Variants in CAMTA1 observed in about 807,000 individuals in gnomAD.
CAMTA1 encodes the protein calmodulin binding transcription activator 1, also known as calmodulin-binding transcription activator 1.
In CAMTA1, 27 loss-of-function variants were observed where a neutral mutation model predicts 170.9. The observed-to-expected ratio is 0.16, with a 90% CI of 0.12 to 0.22. The LOEUF is 0.22. Among genes scored for constraint, CAMTA1 ranks in the 10% least tolerant of loss-of-function variants. The pLI, the probability that CAMTA1 is intolerant of heterozygous loss-of-function variation, is 1.00. For missense variants in CAMTA1, 1,619 were observed against 2,217.2 expected (o/e 0.73, Z 5.42); for synonymous variants, 833 against 891.5 (o/e 0.93, Z 1.17).
intron 11 of CAMTA1, among the ~76,000 whole-genome samples, chr1:7,701,744 T>C (rs886539273): frequency 2.6e-5 from 4 of 152,162 alleles, no homozygotes; most frequent in African/African-American, 4.8e-5. Context: ...AGGACAAAAA[T>C]TGCACTTAAC....
chr1:7,479,901 ATG>A (rs1212003868), intron 6 of CAMTA1, among the ~76,000 whole-genome samples: 2 of 150,284 alleles, frequency 1.3e-5, no homozygotes, highest in African/African-American at 5.0e-5. Flanking sequence ...TAGAAGATAT[ATG>A]TGTGTGTGCA....
Position 7,766,576 on chromosome 1 carries a change from AACACACACGCACACACGCACAC to A in CAMTA1, c.*95_*116del. 8.2e-7 allele frequency: 1 copy of A among 1,219,762 alleles called. No homozygotes were observed. Among genetic ancestry groups the A allele is most frequent in the South Asian group, 1.2e-5 (1 of 82,818 alleles). The allele number at this position is 1,219,762 out of a possible 1,614,324, so 75.6% of individuals were successfully genotyped here. On this transcript the variant is annotated 3_prime_UTR_variant, in exon 23 of 23. Transcript: ENST00000303635. ...GTTTTTAGCAGAGACATGCAACAAC[AACACACACGCACACACGCACAC>A]ACACACACGTACACACACATACAAA...
At position 7,633,023 on chromosome 1, in the gene CAMTA1, C is replaced by G. The variant is rs1352774177; in HGVS notation, c.511-7377C>G. ...CCTGAGCCCTCTGCCTGCCTCACCC[C>G]CTCCTGGCAAGGTTCAGGCTAGCAC... is the stretch of plus-strand genomic sequence containing the variant. On this transcript the variant is annotated intron_variant, in intron 6 of 22. Transcript: ENST00000303635. This position sits in a 1 kb window ranked among gnomAD's most constrained non-coding sequence, Gnocchi z 4.1. Among the ~76,000 whole-genome samples the G allele has an allele frequency of 2.6e-5, 4 of 152,234 alleles. No homozygotes were observed. The South Asian group carries it at 6.2e-4, about 24-fold the overall frequency.
At chr1:7,442,647 G>A (rs904533197) in intron 5 of CAMTA1, among the ~76,000 whole-genome samples, 3 of 152,170 alleles carry the variant, frequency 2.0e-5, no homozygotes, top group African/African-American at 7.2e-5. Context: ...TACTCAACGC[G>A]TGACTTGGCT....
At position 7,218,060 on chromosome 1, in the gene CAMTA1, G is replaced by C. The variant is rs1660070864; in HGVS notation, c.303-31431G>C. Among the ~76,000 whole-genome samples the C allele has an allele frequency of 2.0e-5, 3 of 152,114 alleles. No homozygotes were observed. The South Asian group carries it at 6.2e-4, about 32-fold the overall frequency. ...TTTTAAACTCTTATTCTGTACCTCTGATTTTTGAGGGTCTGCTTCGCTAGA... is the reference window on the plus strand; with the variant it reads ...TTTTAAACTCTTATTCTGTACCTCTCATTTTTGAGGGTCTGCTTCGCTAGA... On this transcript the variant is annotated intron_variant, in intron 4 of 22. Transcript: ENST00000303635.
chr1:7,270,292 T>TATA lies in CAMTA1; in HGVS notation c.438+20666_438+20667insATA, dbSNP rs1491275364. Among the ~76,000 whole-genome samples the TATA allele has an allele frequency of 2.5e-3, 176 of 70,300 alleles. 2 individuals carry two copies. The highest frequency in any genetic ancestry group is 6.2e-3 in the South Asian group (14 of 2,260). 46.1% of individuals were successfully genotyped at this position (70,300 alleles called of 152,430 possible). On this transcript the variant is annotated intron_variant, in intron 5 of 22. Coordinates refer to ENST00000303635, the MANE Select transcript of CAMTA1 (RefSeq NM_015215.4). Reference sequence around the variant, plus strand: ...ACACACACATATATATATATATATATTTTTTTTTTTTTTTCTTGTGAGATG... The same window carrying TATA: ...ACACACACATATATATATATATATATATATTTTTTTTTTTTTTCTTGTGAGATG...
chr1:7,379,859 C>T (rs1023241593), intron 5 of CAMTA1, among the ~76,000 whole-genome samples: 5 of 152,208 alleles, frequency 3.3e-5, no homozygotes, highest in Admixed American at 1.3e-4. Context: ...CACACATCAG[C>T]GAACCGACAA....
intron 5 of CAMTA1, among the ~76,000 whole-genome samples, chr1:7,276,304 T>TAA (rs1553299266): frequency 2.0e-4 from 3 of 14,942 alleles, no homozygotes; most frequent in African/African-American, 1.0e-3. Context: ...TATATATATA[T>TAA]TTTTTTTTTT....
chr1:7,226,322 C>G (rs1421806282), intron 4 of CAMTA1, among the ~76,000 whole-genome samples: 1 of 152,146 alleles, frequency 6.6e-6, no homozygotes, highest in African/African-American at 2.4e-5. Flanking sequence ...TTTCCACTTG[C>G]CTTCAGGCTG....
chr1:7,081,380 A>G (rs1194875853), intron 3 of CAMTA1, among the ~76,000 whole-genome samples: 1 of 152,222 alleles, frequency 6.6e-6, no homozygotes, highest in African/African-American at 2.4e-5. Context: ...TATCACAAAG[A>G]AGGACAAAGA....
At position 7,513,820 on chromosome 1, in the gene CAMTA1, G is replaced by C. The variant is rs543298045; in HGVS notation, c.510+45919G>C. Among the ~76,000 whole-genome samples the C allele has an allele frequency of 4.7e-4, 72 of 152,314 alleles. 1 individual carries two copies. Among genetic ancestry groups the C allele is most frequent in the African/African-American group, 1.6e-3 (67 of 41,572 alleles). ...GCCTGTAATTCCAGCTACCCTGGAG[G>C]CCGAGGCGGGAGAATCACTTGAACC... is the stretch of plus-strand genomic sequence containing the variant. On this transcript the variant is annotated intron_variant, in intron 6 of 22. Coordinates refer to ENST00000303635, the MANE Select transcript of CAMTA1 (RefSeq NM_015215.4).
intron 4 of CAMTA1, among the ~76,000 whole-genome samples, chr1:7,149,137 C>T (rs917041212): frequency 1.3e-5 from 2 of 152,214 alleles, no homozygotes; most frequent in African/African-American, 4.8e-5. Flanking sequence ...CAAGTCCCTA[C>T]TTGCCATTCC....
rs931838274 is a variant in CAMTA1, at chr1:7,064,026, G to A, written c.235-27278G>A. Among the ~76,000 whole-genome samples the A allele has an allele frequency of 6.6e-6, 1 of 152,280 alleles. No homozygotes were observed. Among genetic ancestry groups the A allele is most frequent in the Non-Finnish European group, 1.5e-5 (1 of 68,016 alleles). On this transcript the variant is annotated intron_variant, in intron 3 of 22. Transcript: ENST00000303635. This position sits in a 1 kb window ranked among gnomAD's most constrained non-coding sequence, Gnocchi z 5.4. ...GATGATGGCTCTGGCCTGGCTGCCAGGTGGCTGCCTTCTCATATGGTGGGA... is the reference window on the plus strand; with the variant it reads ...GATGATGGCTCTGGCCTGGCTGCCAAGTGGCTGCCTTCTCATATGGTGGGA...
chr1:7,348,358 C>T (rs845241), intron 5 of CAMTA1, among the ~76,000 whole-genome samples: 95,783 of 152,112 alleles, frequency 0.63, 30,557 homozygotes, highest in East Asian at 0.81. Flanking sequence ...GCAAGGAGGT[C>T]GTGCCAGTCA....
chr1:7,733,150 C>T (rs1176964766), intron 12 of CAMTA1, among the ~76,000 whole-genome samples: 2 of 151,980 alleles, frequency 1.3e-5, no homozygotes, highest in East Asian at 3.9e-4. Context: ...TGCAGTGAGC[C>T]ATGATCACTC....
intron 4 of CAMTA1, among the ~76,000 whole-genome samples, chr1:7,185,087 T>TTTCCTTC (rs1652976264): frequency 1.3e-5 from 2 of 152,094 alleles, no homozygotes; most frequent in Admixed American, 6.5e-5. Context: ...GTGAAGGGAG[T>TTTCCTTC]TACACATATG....
At chr1:7,461,110 G>A (rs2149509132) in intron 5 of CAMTA1, among the ~76,000 whole-genome samples, 1 of 152,338 alleles carries the variant, frequency 6.6e-6, no homozygotes, top group South Asian at 2.1e-4. Context: ...CCTTGCATTA[G>A]AGAAGGTTTT....
intron 3 of CAMTA1, chr1:6,871,672 C>A: frequency 8.6e-7 from 1 of 1,158,542 alleles, no homozygotes; most frequent in Non-Finnish European, 1.2e-6. Flanking sequence ...TGATGGGGTT[C>A]AGTTACAGTG....
intron 5 of CAMTA1, among the ~76,000 whole-genome samples, chr1:7,385,291 G>A (rs1413895383): frequency 2.6e-5 from 4 of 151,996 alleles, no homozygotes; most frequent in Admixed American, 2.6e-4. Context: ...AGGTTTCACC[G>A]TGTTAGCCAG....
Sources: gnomAD v4.1 joint callset for allele counts (sites outside exome capture counted in the v4.1 genomes callset) on GRCh38, gnomAD v4.1.1 for gene constraint, Gnocchi (gnomAD v3.1) non-coding constraint, MANE v1.5 for transcripts, NCBI Gene and HGNC (gene_info 2026-07-23, HGNC 2026-07-21) for gene names.